The following MFF variants were observed in gnomAD, a reference collection of about 807,000 sequenced individuals.
The protein encoded by MFF is mitochondrial fission factor.
Under a neutral mutation model 36.9 loss-of-function variants are expected in MFF, and 12 were observed. The observed-to-expected ratio is 0.33, with a 90% CI of 0.21 to 0.53. The LOEUF is 0.53. Ranked by LOEUF, MFF falls within the 20% of genes least tolerant of loss-of-function variation. The pLI is 0.95. For missense variants in MFF, 348 were observed against 366.6 expected, an observed-to-expected ratio of 0.95 and a Z score of 0.42; for synonymous variants, 99 against 126.2, an observed-to-expected ratio of 0.78 and a Z score of 1.44.
intron 6 of MFF, among the ~76,000 whole-genome samples, chr2:227,349,939 A>G (rs1009493194): frequency 6.6e-6 from 1 of 152,136 alleles, no homozygotes; most frequent in African/African-American, 2.4e-5. Flanking sequence ...AACTAGAACT[A>G]TTTGGCAGAA....
Position 227,352,578 on chromosome 2 carries a change from A to G in MFF, c.659+5A>G. 1.4e-6 allele frequency: 2 copies of G among 1,447,444 alleles called. No homozygotes were observed. The highest frequency in any genetic ancestry group is 9.3e-7 in the Non-Finnish European group (1 of 1,077,148). The allele number at this position is 1,447,444 out of a possible 1,614,324, so 89.7% of individuals were successfully genotyped here. On this transcript the variant is annotated splice_donor_5th_base_variant and intron_variant, in intron 7 of 8. Transcript: ENST00000304593. Reference sequence around the variant, plus strand: ...TCCTCATCATGACAACGTCAGGTAAATTTTGAGACTTCGTAATTACCAGGG... The same window carrying G: ...TCCTCATCATGACAACGTCAGGTAAGTTTTGAGACTTCGTAATTACCAGGG...
At chr2:227,337,357 AC>A (rs1309574231) in intron 4 of MFF, among the ~76,000 whole-genome samples, 1 of 152,360 alleles carries the variant, frequency 6.6e-6, no homozygotes, top group East Asian at 1.9e-4. Flanking sequence ...TGTTCAGTCT[AC>A]ATTGATAATT....
At chr2:227,354,947 G>A (rs1486631441) in intron 7 of MFF, among the ~76,000 whole-genome samples, 1 of 152,152 alleles carries the variant, frequency 6.6e-6, no homozygotes, top group Admixed American at 6.5e-5. Context: ...GATCACCTGA[G>A]GTCAGGACTT....
At chr2:227,341,330 G>A (rs1006705670) in intron 5 of MFF, among the ~76,000 whole-genome samples, 2 of 151,408 alleles carry the variant, frequency 1.3e-5, no homozygotes, top group East Asian at 3.9e-4. Context: ...GAACAAGGAA[G>A]TTCTAATTTC....
At chr2:227,326,413 C>T (rs1468233988) in intron 1 of MFF, among the ~76,000 whole-genome samples, 1 of 151,924 alleles carries the variant, frequency 6.6e-6, no homozygotes, top group Non-Finnish European at 1.5e-5. Flanking sequence ...AAAATTAGGA[C>T]GATTTAGTTA....
chr2:227,351,398 ATAAT>A (rs1426007580), intron 6 of MFF, among the ~76,000 whole-genome samples: 2 of 34,460 alleles, frequency 5.8e-5, no homozygotes, highest in Non-Finnish European at 1.3e-4. Context: ...TTATCAGAAA[ATAAT>A]TTGTATTGTA....
At chr2:227,347,182 G>T in intron 5 of MFF, 44 bp from the exon 6 acceptor site, 1 of 1,576,442 alleles carries the variant, frequency 6.3e-7, no homozygotes, top group Non-Finnish European at 8.7e-7. Context: ...ATAAAAATCT[G>T]ACTTGAGTGT....
At position 227,352,362 on chromosome 2, in the gene MFF, GA is replaced by G. The variant is rs572218393; in HGVS notation, c.600-151del. 2,045 of 586,736 alleles carry G rather than the reference GA, an allele frequency of 3.5e-3. 12 individuals carry two copies. The highest frequency in any genetic ancestry group is 3.9e-3 in the Non-Finnish European group (1,281 of 328,762). The allele number at this position is 586,736 out of a possible 1,614,324, so 36.3% of individuals were successfully genotyped here. On this transcript the variant is annotated intron_variant, in intron 6 of 8. Coordinates refer to ENST00000304593, the MANE Select transcript of MFF (RefSeq NM_001277062.2). ...TAAAATGGAGGACACATGAGACAAG[GA>G]TTTTTTAAAGTAGTTGAGAGATATT...
At chr2:227,347,855 C>T (rs1251574549) in intron 6 of MFF, among the ~76,000 whole-genome samples, 2 of 152,196 alleles carry the variant, frequency 1.3e-5, no homozygotes, top group Non-Finnish European at 2.9e-5. Context: ...CTACGGATTT[C>T]TAGGCTTGTT....
rs767216065 is a variant in MFF at position 227,352,561 on chromosome 2, A to G, written c.647A>G (p.His216Arg). 3 of 1,613,518 alleles carry G rather than the reference A, an allele frequency of 1.9e-6. No individual in the cohort carries two copies. Among genetic ancestry groups the G allele is most frequent in the African/African-American group, 2.7e-5 (2 of 74,878 alleles). Residue 216 changes from histidine (H) to arginine (R), a missense_variant, in exon 7 of 9, where the codon CAT (histidine) becomes CGT (arginine). His to Arg is a conservative substitution (Grantham distance 29). Coordinates refer to ENST00000304593, the MANE Select transcript of MFF (RefSeq NM_001277062.2). ...GSAAATSNPH[H>R]DNVRYGISNI... ...GCTGCCGCCACTTCTAATCCTCATC[A>G]TGACAACGTCAGGTAAATTTTGAGA...
At chr2:227,333,081 AAC>A (rs1292968707) in intron 4 of MFF, among the ~76,000 whole-genome samples, 2 of 152,250 alleles carry the variant, frequency 1.3e-5, no homozygotes, top group Admixed American at 1.3e-4. Flanking sequence ...AGGTGTTAGT[AAC>A]AGAGTTCGAA....
intron 4 of MFF, among the ~76,000 whole-genome samples, chr2:227,334,391 A>G (rs957785571): frequency 2.6e-5 from 4 of 152,220 alleles, no homozygotes; most frequent in African/African-American, 4.8e-5. Flanking sequence ...AGAAGGGTCC[A>G]GTAGCCTTCA....
rs1330458969 is a variant in MFF, at chr2:227,347,351, A to G, written c.566A>G (p.Gln189Arg). 2.5e-6 allele frequency: 4 copies of G among 1,613,644 alleles called. No individual in the cohort carries two copies. Among genetic ancestry groups the G allele is most frequent in the East Asian group, 2.2e-5 (1 of 44,888 alleles). The change falls in exon 6 of 9, where the codon CAG (glutamine) becomes CGG (arginine). Residue 189 changes from glutamine to arginine, a missense_variant. Gln to Arg is a conservative substitution (Grantham distance 43). Transcript: ENST00000304593. Reference protein sequence around the residue: ...LIQSSTRRAYQQILDVLDENR... With the variant: ...LIQSSTRRAYRQILDVLDENR... ...CAGTCTTCTACTCGTAGGGCATACC[A>G]GCAGATCTTGGATGTGCTGGATGAA...
At chr2:227,335,385 A>G (rs1302851462) in intron 4 of MFF, among the ~76,000 whole-genome samples, 2 of 152,138 alleles carry the variant, frequency 1.3e-5, no homozygotes, top group Non-Finnish European at 2.9e-5. Context: ...CTTAATCAGT[A>G]TGGGGTTTCC....
At chr2:227,332,138 AT>A (rs1210159185) in intron 3 of MFF, among the ~76,000 whole-genome samples, 2 of 123,600 alleles carry the variant, frequency 1.6e-5, no homozygotes, top group African/African-American at 5.6e-5. Flanking sequence ...CGCCCGGCTA[AT>A]TTTTTTGTAT....
At chr2:227,340,916 A>G (rs1246038742) in intron 5 of MFF, among the ~76,000 whole-genome samples, 1 of 152,192 alleles carries the variant, frequency 6.6e-6, no homozygotes, top group African/African-American at 2.4e-5. Context: ...TTACAAACAA[A>G]ATGTTCTTCG....
chr2:227,357,359 A>T lies in MFF; in HGVS notation c.*242A>T. 3.0e-6 allele frequency: 1 copy of T among 334,124 alleles called. No individual in the cohort carries two copies. The highest frequency in any genetic ancestry group is 5.4e-6 in the Non-Finnish European group (1 of 185,350). 20.7% of individuals were successfully genotyped at this position (334,124 alleles called of 1,614,324 possible). The stretch of plus-strand genomic sequence containing the variant: ...CACCTGCTTAAAATTCTCCCTTTGC[A>T]TGTTTTGTAAATAGGCTCCAGTTTT... On this transcript the variant is annotated 3_prime_UTR_variant, in exon 9 of 9. Coordinates refer to ENST00000304593, the MANE Select transcript of MFF (RefSeq NM_001277062.2).
At chr2:227,327,340 A>G (rs1027493964) in intron 1 of MFF, among the ~76,000 whole-genome samples, 1 of 152,218 alleles carries the variant, frequency 6.6e-6, no homozygotes, top group South Asian at 2.1e-4. Flanking sequence ...CTAAGGTACA[A>G]AACTTCTGGA....
At chr2:227,336,907 A>G (rs2075048741) in intron 4 of MFF, among the ~76,000 whole-genome samples, 1 of 152,256 alleles carries the variant, frequency 6.6e-6, no homozygotes, top group Non-Finnish European at 1.5e-5. Flanking sequence ...AAACAAATGC[A>G]GAAGGGCTCC....
Sources: allele counts gnomAD v4.1 joint callset (sites outside exome capture counted in the v4.1 genomes callset), GRCh38; gene constraint gnomAD v4.1.1; transcripts MANE v1.5; gene names NCBI Gene and HGNC (gene_info 2026-07-23, HGNC 2026-07-21).